The following DLG2 variants were observed in gnomAD, a reference collection of about 807,000 sequenced individuals.
DLG2 encodes disks large homolog 2.
DLG2 carries 45 observed loss-of-function variants against 132.5 expected under a neutral mutation model. The ratio of observed to expected loss-of-function variants is 0.34; its 90% confidence interval spans 0.27 to 0.44. DLG2 has a LOEUF of 0.44. Ranked by LOEUF, DLG2 falls within the 20% of genes least tolerant of loss-of-function variation. The probability of loss-of-function intolerance (pLI) is 1.00; values close to 1 mark genes in which losing one functional copy is unlikely to be tolerated. For missense variants in DLG2, 1,045 were observed against 1,196.9 expected (o/e 0.87, Z 1.87); for synonymous variants, 424 against 419.6 (o/e 1.01, Z -0.13).
intron 3 of DLG2, among the ~76,000 whole-genome samples, chr11:85,472,941 G>T (rs1326843209): frequency 1.3e-5 from 2 of 152,222 alleles, no homozygotes; most frequent in Admixed American, 1.3e-4. Context: ...TGGGAGCCCA[G>T]ACCTCAGGGC....
At chr11:83,836,526 A>G (rs1166164166) in intron 16 of DLG2, among the ~76,000 whole-genome samples, 1 of 152,122 alleles carries the variant, frequency 6.6e-6, no homozygotes, top group East Asian at 1.9e-4. Flanking sequence ...TTCTCCAACT[A>G]GCTGAATAAC....
At chr11:83,543,600 T>C (rs2096148894) in intron 19 of DLG2, among the ~76,000 whole-genome samples, 1 of 152,124 alleles carries the variant, frequency 6.6e-6, no homozygotes, top group Admixed American at 6.6e-5. Flanking sequence ...ATAGTGATAA[T>C]GATGACAATG....
chr11:83,495,287 T>A (rs1026970390), intron 21 of DLG2, among the ~76,000 whole-genome samples: 1 of 152,140 alleles, frequency 6.6e-6, no homozygotes, highest in African/African-American at 2.4e-5. Context: ...AATGACATGC[T>A]ATTATCAGAA....
intron 19 of DLG2, among the ~76,000 whole-genome samples, chr11:83,598,556 G>A (rs2058016007): frequency 6.6e-6 from 1 of 152,146 alleles, no homozygotes; most frequent in African/African-American, 2.4e-5. Context: ...TTGCTCATCT[G>A]CATTTGGATT....
chr11:85,408,001 A>G (rs1290238483), intron 3 of DLG2, among the ~76,000 whole-genome samples: 2 of 151,518 alleles, frequency 1.3e-5, no homozygotes, highest in African/African-American at 2.4e-5. Context: ...CAACTGCTAT[A>G]TATCTAGACA....
At chr11:83,586,352 C>A (rs1250585526) in intron 19 of DLG2, among the ~76,000 whole-genome samples, 1 of 152,202 alleles carries the variant, frequency 6.6e-6, no homozygotes, top group Non-Finnish European at 1.5e-5. Flanking sequence ...TCTGTTATAG[C>A]ACAGACAGAT....
At chr11:85,364,884 T>C (rs1682382) in intron 3 of DLG2, among the ~76,000 whole-genome samples, 3 of 152,104 alleles carry the variant, frequency 2.0e-5, no homozygotes, top group Non-Finnish European at 4.4e-5. Context: ...CTTTTTTTTT[T>C]GGTTCAGAGT....
chr11:83,828,627 T>C (rs1283608161), intron 17 of DLG2, among the ~76,000 whole-genome samples: 1 of 152,178 alleles, frequency 6.6e-6, no homozygotes, highest in Non-Finnish European at 1.5e-5. Flanking sequence ...TTCAGTGTTC[T>C]ACGAAACACA....
intron 6 of DLG2, among the ~76,000 whole-genome samples, chr11:85,058,730 G>C (rs1331446021): frequency 6.6e-6 from 1 of 151,316 alleles, no homozygotes; most frequent in Admixed American, 6.6e-5. Context: ...ACTGATATAA[G>C]GTTACTTAAT....
At chr11:85,088,014 T>A (rs934769016) in intron 6 of DLG2, among the ~76,000 whole-genome samples, 1 of 152,170 alleles carries the variant, frequency 6.6e-6, no homozygotes, top group Admixed American at 6.5e-5. Flanking sequence ...AGTAGGTTGA[T>A]GTGTGAATAG....
At chr11:85,174,194 A>T (rs2079065255) in intron 4 of DLG2, among the ~76,000 whole-genome samples, 1 of 152,214 alleles carries the variant, frequency 6.6e-6, no homozygotes, top group Non-Finnish European at 1.5e-5. Flanking sequence ...CACGGCAGTT[A>T]CTCCAAAATT....
chr11:84,412,757 T>A, intron 7 of DLG2, among the ~76,000 whole-genome samples: 1 of 152,196 alleles, frequency 6.6e-6, no homozygotes, highest in East Asian at 1.9e-4. Context: ...TAAGTTTTCC[T>A]CATTCTGCTA....
At chr11:83,870,845 C>T (rs1248146118) in intron 16 of DLG2, among the ~76,000 whole-genome samples, 1 of 152,132 alleles carries the variant, frequency 6.6e-6, no homozygotes, top group East Asian at 1.9e-4. Flanking sequence ...AGCTGTAGGC[C>T]CCTTCACATA....
At chr11:84,714,527 CTCTT>C (rs1565747518) in intron 6 of DLG2, among the ~76,000 whole-genome samples, 11 of 103,742 alleles carry the variant, frequency 1.1e-4, no homozygotes, top group African/African-American at 8.0e-4. Context: ...AACCCATTTC[CTCTT>C]TCTCTTTCTC....
chr11:85,562,950 G>T (rs1344518836), intron 3 of DLG2, among the ~76,000 whole-genome samples: 1 of 151,796 alleles, frequency 6.6e-6, no homozygotes, highest in African/African-American at 2.4e-5. Context: ...TTCTTCCAGT[G>T]TATAATATCT....
chr11:83,964,661 G>A (rs1043184359), intron 13 of DLG2, among the ~76,000 whole-genome samples: 2 of 151,908 alleles, frequency 1.3e-5, no homozygotes, highest in African/African-American at 2.4e-5. Flanking sequence ...GTTAAGATTC[G>A]TGTTGACCTA....
At chr11:83,996,649 G>T (rs1175255122) in intron 11 of DLG2, among the ~76,000 whole-genome samples, 9 of 152,230 alleles carry the variant, frequency 5.9e-5, no homozygotes, top group African/African-American at 1.9e-4. Context: ...AAAAGAATGA[G>T]ATCTAGTCAT....
intron 6 of DLG2, among the ~76,000 whole-genome samples, chr11:84,827,203 T>A (rs1156452860): frequency 2.0e-5 from 3 of 151,602 alleles, no homozygotes; most frequent in Non-Finnish European, 4.4e-5. Flanking sequence ...AGTGATGGGG[T>A]CAACATTCAA....
chr11:85,526,202 T>A (rs2074728347), intron 3 of DLG2, among the ~76,000 whole-genome samples: 1 of 152,120 alleles, frequency 6.6e-6, no homozygotes, highest in Admixed American at 6.6e-5. Flanking sequence ...AAAACAGATT[T>A]CATGTAACTG....
Sources: allele counts gnomAD v4.1 joint callset (sites outside exome capture counted in the v4.1 genomes callset), GRCh38; gene constraint gnomAD v4.1.1; transcripts MANE v1.5; gene names NCBI Gene and HGNC (gene_info 2026-07-23, HGNC 2026-07-21).